The following CEP192 variants were observed in gnomAD, a reference collection of about 807,000 sequenced individuals.
The protein encoded by CEP192 is centrosomal protein 192, also known as centrosomal protein of 192 kDa.
A neutral mutation model predicts 271.8 loss-of-function variants in CEP192; 151 were observed. That is an observed-to-expected ratio of 0.56 (90% CI 0.49 to 0.64). CEP192 has a LOEUF of 0.64. Among genes scored for constraint, CEP192 ranks in the 30% least tolerant of loss-of-function variants. The probability of loss-of-function intolerance (pLI) is 0.00; values close to 1 mark genes in which losing one functional copy is unlikely to be tolerated. For missense variants in CEP192, 2,910 were observed against 3,020.5 expected (o/e 0.96, Z 0.86); for synonymous variants, 995 against 1,076.5 (o/e 0.92, Z 1.48).
rs181733838 is a variant in CEP192 at position 13,043,058 on chromosome 18, C to T, written c.2067+724C>T. On this transcript the variant is annotated intron_variant, in intron 15 of 44. Transcript: ENST00000506447. Reference sequence around the variant, plus strand: ...TGTGCTTCCTGTCACCGCATGTCCTCGCCAGCACCTGGCATTACTCGTTAT... The same window carrying T: ...TGTGCTTCCTGTCACCGCATGTCCTTGCCAGCACCTGGCATTACTCGTTAT... Among the ~76,000 whole-genome samples, 19 of 152,320 alleles carry T rather than the reference C, an allele frequency of 1.2e-4. No homozygotes were observed. The South Asian group carries it at 2.5e-3, about 20-fold the overall frequency.
chr18:13,085,207 T>C (rs1175744267), intron 30 of CEP192, among the ~76,000 whole-genome samples: 1 of 152,188 alleles, frequency 6.6e-6, no homozygotes, highest in Non-Finnish European at 1.5e-5. Flanking sequence ...TTGAGAAGTA[T>C]CTGTTCATAT....
intron 7 of CEP192, 22 bp from the exon 8 acceptor site, chr18:13,018,458 A>G (rs1415271270): frequency 1.4e-6 from 2 of 1,447,526 alleles, no homozygotes; most frequent in East Asian, 2.5e-5. Flanking sequence ...AGATTAATAC[A>G]GCTAAGATAT....
At chr18:13,034,714 G>T (rs1451121805) in intron 11 of CEP192, among the ~76,000 whole-genome samples, 5 of 151,688 alleles carry the variant, frequency 3.3e-5, no homozygotes, top group Admixed American at 6.6e-5. Flanking sequence ...TACTCAGGAG[G>T]GGGCTGAGGC....
Position 13,001,479 on chromosome 18 carries a change from T to C in CEP192, c.187T>C (p.Tyr63His). 2.6e-6 allele frequency: 4 copies of C among 1,547,342 alleles called. No homozygotes were observed. The African/African-American group carries it at 5.5e-5, about 21-fold the overall frequency. ...DNRYPDIQAS[Y>H]LVEGRFSVPS... is the part of the protein sequence containing the mutation. ...TAGGTATCCTGATATCCAGGCATCT[T>C]ACTTAGTAGAAGGGAGATTTTCAGT... is the stretch of plus-strand genomic sequence containing the variant. Residue 63 changes from tyrosine (Y) to histidine (H), a missense_variant, in exon 3 of 45, where the codon TAC (tyrosine) becomes CAC (histidine). Coordinates refer to ENST00000506447, the MANE Select transcript of CEP192 (RefSeq NM_032142.4).
intron 30 of CEP192, 90 bp from the exon 31 acceptor site, chr18:13,086,927 A>G (rs1198975683): frequency 5.5e-6 from 5 of 911,012 alleles, no homozygotes; most frequent in East Asian, 2.6e-5. Flanking sequence ...TAATTGTATT[A>G]AATCTTTCTG....
chr18:13,014,663 G>A (rs2034543889), intron 5 of CEP192, among the ~76,000 whole-genome samples: 1 of 152,044 alleles, frequency 6.6e-6, no homozygotes, highest in African/African-American at 2.4e-5. Flanking sequence ...GATGCCCCTG[G>A]TGCTTAGATA....
At chr18:13,026,746 G>A (rs1311360587) in intron 9 of CEP192, among the ~76,000 whole-genome samples, 3 of 151,976 alleles carry the variant, frequency 2.0e-5, no homozygotes, top group Non-Finnish European at 2.9e-5. Context: ...TTTCTCATAA[G>A]TTCCATTTCT....
Position 13,095,536 on chromosome 18 carries a change from C to CCTTTGGATGTTTTACCA in CEP192, c.6288_6289insCTTTGGATGTTTTACCA (p.Val2097LeufsTer47). ...GAGCTTCTGGGAAACATGGTGGCAA[C>CCTTTGGATGTTTTACCA]GTCTCTTTGGATGTTTTACCAGTCA... On this transcript the variant is annotated frameshift_variant, in exon 35 of 45. Transcript: ENST00000506447. LOFTEE classifies it high-confidence loss of function. The CCTTTGGATGTTTTACCA allele has an allele frequency of 6.2e-7, 1 of 1,612,834 alleles. No individual in the cohort carries two copies. The highest frequency in any genetic ancestry group is 1.7e-4 in the Middle Eastern group (1 of 6,058).
chr18:13,067,930 GT>G lies in CEP192; in HGVS notation c.4589del (p.Val1530GlyfsTer5). ...ATTGATAAACCGAACGCATGCCACTGTGCCAATTAGACTGATTATTAATGCT... is the reference window on the plus strand; with the variant it reads ...ATTGATAAACCGAACGCATGCCACTGGCCAATTAGACTGATTATTAATGCT... ...LKLINRTHAT[V>X]PIRLIINANA... On this transcript the variant is annotated frameshift_variant, in exon 22 of 45. Coordinates refer to ENST00000506447, the MANE Select transcript of CEP192 (RefSeq NM_032142.4). LOFTEE classifies it high-confidence loss of function. 1 of 1,612,304 alleles carries G rather than the reference GT, an allele frequency of 6.2e-7. No homozygotes were observed. Among genetic ancestry groups the G allele is most frequent in the Non-Finnish European group, 8.5e-7 (1 of 1,178,404 alleles).
At chr18:13,114,993 G>C (rs1167663318) in intron 42 of CEP192, among the ~76,000 whole-genome samples, 1 of 152,132 alleles carries the variant, frequency 6.6e-6, no homozygotes, top group African/African-American at 2.4e-5. Flanking sequence ...TAATTAACTA[G>C]TAATTAGGTC....
In CEP192 at chr18:13,049,626, C is replaced by T; in HGVS notation, c.2835C>T (p.Asn945=). ...RQNECVSEIS[N]SEKHVTFENH... is the part of the protein sequence containing the mutation. Reference sequence around the variant, plus strand: ...ATGAGTGTGTCAGTGAAATAAGCAACAGTGAGAAGCATGTGACTTTTGAAA... The same window carrying T: ...ATGAGTGTGTCAGTGAAATAAGCAATAGTGAGAAGCATGTGACTTTTGAAA... Residue 945 remains asparagine, a synonymous_variant, in exon 16 of 45, where the codon AAC becomes AAT. Coordinates refer to ENST00000506447, the MANE Select transcript of CEP192 (RefSeq NM_032142.4). 6.2e-7 allele frequency: 1 copy of T among 1,613,210 alleles called. No individual in the cohort carries two copies. Among genetic ancestry groups the T allele is most frequent in the Non-Finnish European group, 8.5e-7 (1 of 1,179,758 alleles).
At position 13,087,275 on chromosome 18, in the gene CEP192, GAAGT is replaced by G. The variant is rs1423254402; in HGVS notation, c.5877+4_5877+7del. ...ATTTGTACTCAAGGAAAGAACACAA[GAAGT>G]AAGTACAAAAGTTTCTGTGCTAAAA... is the stretch of plus-strand genomic sequence containing the variant. On this transcript the variant is annotated splice_donor_variant and coding_sequence_variant, in exon 31 of 45. Coordinates refer to ENST00000506447, the MANE Select transcript of CEP192 (RefSeq NM_032142.4). LOFTEE classifies it high-confidence loss of function. 6.3e-7 allele frequency: 1 copy of G among 1,594,946 alleles called. No individual in the cohort carries two copies. Among genetic ancestry groups the G allele is most frequent in the Non-Finnish European group, 8.6e-7 (1 of 1,166,782 alleles).
In CEP192 at chr18:13,056,588, C is replaced by T. The variant is rs774167042; in HGVS notation, c.3998C>T (p.Ser1333Phe). 1.2e-6 allele frequency: 2 copies of T among 1,614,048 alleles called. No individual in the cohort carries two copies. The highest frequency in any genetic ancestry group is 1.7e-6 in the Non-Finnish European group (2 of 1,179,998). Reference sequence around the variant, plus strand: ...ACCTCTTCCCTCTGTAACCCATATTCTAATACCTTAAATCAGAACCTGCTA... The same window carrying T: ...ACCTCTTCCCTCTGTAACCCATATTTTAATACCTTAAATCAGAACCTGCTA... The part of the protein sequence containing the change: ...MGTSSLCNPY[S>F]NTLNQNLLST... Residue 1333 changes from serine (S) to phenylalanine (F), a missense_variant, in exon 19 of 45, where the codon TCT (serine) becomes TTT (phenylalanine). Transcript: ENST00000506447.
chr18:13,098,086 T>TC (rs983509992), intron 36 of CEP192, among the ~76,000 whole-genome samples: 11 of 152,154 alleles, frequency 7.2e-5, no homozygotes, highest in African/African-American at 2.7e-4. Context: ...CTCAATCTTT[T>TC]CCCCACCTTT....
chr18:13,073,390 T>A (rs551380017), intron 30 of CEP192, among the ~76,000 whole-genome samples: 1 of 152,374 alleles, frequency 6.6e-6, no homozygotes, highest in South Asian at 2.1e-4. Context: ...CTATAAGTAT[T>A]AGTCTTTCTA....
At chr18:13,050,935 C>T (rs2036752342) in intron 17 of CEP192, among the ~76,000 whole-genome samples, 1 of 152,156 alleles carries the variant, frequency 6.6e-6, no homozygotes, top group African/African-American at 2.4e-5. Context: ...ATTTGAAGAT[C>T]ATCTGGCTGT....
intron 1 of CEP192, among the ~76,000 whole-genome samples, chr18:12,992,821 A>G (rs118113977): frequency 2.7e-4 from 41 of 152,130 alleles, no homozygotes; most frequent in Non-Finnish European, 5.4e-4. Flanking sequence ...GAGCTGCCTT[A>G]TTTATCTTTG....
intron 36 of CEP192, among the ~76,000 whole-genome samples, chr18:13,098,151 G>A (rs2039502691): frequency 6.6e-6 from 1 of 152,208 alleles, no homozygotes; most frequent in African/African-American, 2.4e-5. Context: ...TTCTCGATGA[G>A]CTGTTGGGTA....
chr18:13,122,315 A>G (rs1309635649), intron 44 of CEP192, among the ~76,000 whole-genome samples: 2 of 152,216 alleles, frequency 1.3e-5, no homozygotes, highest in African/African-American at 4.8e-5. Context: ...CTAGCTACTC[A>G]GGAGGCTGAG....
Sources: allele counts gnomAD v4.1 joint callset (sites outside exome capture counted in the v4.1 genomes callset), GRCh38; gene constraint gnomAD v4.1.1; transcripts MANE v1.5; gene names NCBI Gene and HGNC (gene_info 2026-07-23, HGNC 2026-07-21).